Variants in THOC5 observed in about 807,000 individuals in gnomAD.
THOC5 encodes the protein Fms-interacting protein.
In THOC5, 43 loss-of-function variants were observed where a neutral mutation model predicts 92.9. The observed-to-expected ratio is 0.46, with a 90% CI of 0.36 to 0.60. The LOEUF is 0.60. Among genes scored for constraint, THOC5 ranks in the 20% least tolerant of loss-of-function variants. The probability of loss-of-function intolerance (pLI) is 0.00; values close to 1 mark genes in which losing one functional copy is unlikely to be tolerated. For missense variants in THOC5, 659 were observed against 849.4 expected, an observed-to-expected ratio of 0.78 and a Z score of 2.79; for synonymous variants, 296 against 320.1, an observed-to-expected ratio of 0.92 and a Z score of 0.80.
In THOC5 at chr22:29,507,365, CTTATT is replaced by C. The variant is rs2063148686; in HGVS notation, c.*1087_*1091del. On this transcript the variant is annotated 3_prime_UTR_variant, in exon 20 of 20. Coordinates refer to ENST00000490103, the MANE Select transcript of THOC5 (RefSeq NM_003678.5). Reference sequence around the variant, plus strand: ...TATATATTTTCTTCCTTATGGCTTTCTTATTTATTTATTTTTGAGACGGAGTCTCA... The same window carrying C: ...TATATATTTTCTTCCTTATGGCTTTCTATTTATTTTTGAGACGGAGTCTCA... 1.3e-5 allele frequency: 2 copies of C among 152,098 alleles called. No homozygotes were observed. The highest frequency in any genetic ancestry group is 2.4e-5 in the African/African-American group (1 of 41,414). The allele number at this position is 152,098 out of a possible 1,614,324, so 9.4% of individuals were successfully genotyped here.
intron 17 of THOC5, chr22:29,513,765 A>T (rs1195356092): frequency 6.6e-6 from 1 of 152,184 alleles, no homozygotes; most frequent in Non-Finnish European, 1.5e-5. Flanking sequence ...TGGCAGGCTG[A>T]GGCAGAAGGA....
intron 6 of THOC5, among the ~76,000 whole-genome samples, chr22:29,537,536 G>T (rs906232500): frequency 1.2e-4 from 19 of 152,044 alleles, no homozygotes; most frequent in African/African-American, 4.6e-4. Flanking sequence ...CTACTCAGGA[G>T]GCTGAGACAG....
At chr22:29,552,000 T>C (rs1047941564) in intron 1 of THOC5, among the ~76,000 whole-genome samples, 1 of 152,310 alleles carries the variant, frequency 6.6e-6, no homozygotes, top group East Asian at 1.9e-4. Flanking sequence ...TTGGCCAGGC[T>C]GGTCTCCAGC....
At chr22:29,543,292 G>A (rs907466078) in intron 4 of THOC5, 137 bp downstream of exon 4, 1 of 601,792 alleles carries the variant, frequency 1.7e-6, no homozygotes, top group South Asian at 2.1e-5. Context: ...AGGATGTGGT[G>A]AGCTGAGATC....
chr22:29,533,197 C>G (rs972883875), intron 7 of THOC5, among the ~76,000 whole-genome samples: 1 of 152,158 alleles, frequency 6.6e-6, no homozygotes, highest in African/African-American at 2.4e-5. Flanking sequence ...GATTCTGAAA[C>G]TTGTATGTAA....
In THOC5 at chr22:29,549,134, G is replaced by C. The variant is rs999138709; in HGVS notation, c.14C>G (p.Ser5Trp). 1 of 1,614,078 alleles carries C rather than the reference G, an allele frequency of 6.2e-7. No homozygotes were observed. Among genetic ancestry groups the C allele is most frequent in the Admixed American group, 1.7e-5 (1 of 60,000 alleles). Residue 5 changes from serine (S) to tryptophan (W), a missense_variant, in exon 2 of 20, where the codon TCG (serine) becomes TGG (tryptophan). Transcript: ENST00000490103. Reference protein sequence around the residue: MSSESSKKRKPKVIR... With the variant: MSSEWSKKRKPKVIR... ...CACTTTGGGCTTCCGTTTTTTGCTCGATTCTGATGACATGGTTGTTCCTCC... is the reference window on the plus strand; with the variant it reads ...CACTTTGGGCTTCCGTTTTTTGCTCCATTCTGATGACATGGTTGTTCCTCC...
intron 2 of THOC5, among the ~76,000 whole-genome samples, chr22:29,547,764 C>T (rs2064053725): frequency 6.6e-6 from 1 of 152,328 alleles, no homozygotes; most frequent in Non-Finnish European, 1.5e-5. Context: ...ACTGTTCCAA[C>T]CTCTGCCTGT....
chr22:29,508,508 C>G lies in THOC5; in HGVS notation c.2001G>C (p.Arg667Ser). ...GATGGTTGTATTTAAATGGCTTCAT[C>G]CTGCTAGGACCCCTAGAGAAATAGG... ...MCLRLFRGPS[R>S]MKPFKYNHPQ... Residue 667 changes from arginine to serine, a missense_variant, in exon 20 of 20, where the codon AGG becomes AGC. Arg to Ser is a moderately radical substitution (Grantham distance 110, BLOSUM62 -1). Transcript: ENST00000490103. 4 of 1,614,038 alleles carry G rather than the reference C, an allele frequency of 2.5e-6. No individual in the cohort carries two copies. The highest frequency in any genetic ancestry group is 3.4e-6 in the Non-Finnish European group (4 of 1,179,928).
intron 15 of THOC5, among the ~76,000 whole-genome samples, chr22:29,518,519 CGAG>C (rs1368513606): frequency 3.3e-5 from 5 of 152,150 alleles, no homozygotes; most frequent in African/African-American, 1.2e-4. Context: ...CTGGGGAACA[CGAG>C]GTCAGTAGGC....
In THOC5 at chr22:29,508,456, A is replaced by G. The variant is rs2146418367; in HGVS notation, c.*1T>C. 1.2e-6 allele frequency: 2 copies of G among 1,614,176 alleles called. No individual in the cohort carries two copies. The highest frequency in any genetic ancestry group is 1.7e-6 in the Non-Finnish European group (2 of 1,180,012). On this transcript the variant is annotated 3_prime_UTR_variant, in exon 20 of 20. Coordinates refer to ENST00000490103, the MANE Select transcript of THOC5 (RefSeq NM_003678.5). Reference sequence around the variant, plus strand: ...GGGGAAACAACGGTCTGCGCGGGAGATCAGCGATGGCTGAAGAATCCCTGA... The same window carrying G: ...GGGGAAACAACGGTCTGCGCGGGAGGTCAGCGATGGCTGAAGAATCCCTGA...
intron 8 of THOC5, chr22:29,531,246 G>A: frequency 7.9e-6 from 8 of 1,009,186 alleles, no homozygotes; most frequent in Non-Finnish European, 8.4e-6. Context: ...ATGTCTGTCT[G>A]ATGAGGTGGG....
chr22:29,509,286 A>G (rs969142440), intron 19 of THOC5, among the ~76,000 whole-genome samples: 4 of 149,908 alleles, frequency 2.7e-5, no homozygotes, highest in African/African-American at 7.6e-5. Flanking sequence ...AAAAAAAAAA[A>G]AAAAAAGAAA....
Position 29,511,121 on chromosome 22 carries a change from C to T in THOC5, c.1973G>A (p.Cys658Tyr). Residue 658 changes from cysteine (C) to tyrosine (Y), a missense_variant, in exon 19 of 20, where the codon TGT becomes TAT. Cys to Tyr is a radical substitution (Grantham distance 194). Coordinates refer to ENST00000490103, the MANE Select transcript of THOC5 (RefSeq NM_003678.5). ...GPKEFPQEKM[C>Y]LRLFRGPSRM... ...CTCTCCTCACCTGAAGAGCCGCAGA[C>T]ACATCTTCTCCTGGGGAAATTCCTT... The T allele has an allele frequency of 6.2e-7, 1 of 1,614,122 alleles. No individual in the cohort carries two copies. Among genetic ancestry groups the T allele is most frequent in the Non-Finnish European group, 8.5e-7 (1 of 1,179,984 alleles).
chr22:29,521,385 T>A (rs917369067), intron 12 of THOC5, among the ~76,000 whole-genome samples: 1 of 152,242 alleles, frequency 6.6e-6, no homozygotes, highest in Non-Finnish European at 1.5e-5. Context: ...TGGCTTTATA[T>A]TGTCTGATCA....
At chr22:29,537,290 T>G (rs2063778096) in intron 6 of THOC5, among the ~76,000 whole-genome samples, 1 of 152,234 alleles carries the variant, frequency 6.6e-6, no homozygotes, top group Non-Finnish European at 1.5e-5. Flanking sequence ...ATCAGTGGAC[T>G]GGACAGCGGA....
intron 14 of THOC5, 33 bp from the exon 15 acceptor site, chr22:29,519,153 C>T (rs1358693549): frequency 2.1e-6 from 3 of 1,460,560 alleles, no homozygotes; most frequent in Non-Finnish European, 2.8e-6. Context: ...TACACGTGTG[C>T]TCCCCCATCC....
At position 29,538,312 on chromosome 22, in the gene THOC5, A is replaced by C. The variant is rs150484416; in HGVS notation, c.599+1018T>G. On this transcript the variant is annotated intron_variant, in intron 6 of 19. Transcript: ENST00000490103. ...ATTATTTATGACAGCAAAAAATGGA[A>C]ACAACCTAAAATCCAACAGGGGAAT... is the stretch of plus-strand genomic sequence containing the variant. Among the ~76,000 whole-genome samples the C allele has an allele frequency of 6.1e-3, 927 of 152,278 alleles. 5 individuals carry two copies. Among genetic ancestry groups the C allele is most frequent in the Non-Finnish European group, 8.3e-3 (563 of 68,028 alleles).
chr22:29,510,763 T>G (rs1331765428), intron 19 of THOC5, among the ~76,000 whole-genome samples: 2 of 152,164 alleles, frequency 1.3e-5, no homozygotes, highest in Non-Finnish European at 2.9e-5. Flanking sequence ...AAGCTGTGAT[T>G]CTCACTGACA....
chr22:29,518,150 C>T (rs1043756542), intron 15 of THOC5, among the ~76,000 whole-genome samples: 6 of 152,222 alleles, frequency 3.9e-5, no homozygotes, highest in African/African-American at 1.4e-4. Context: ...TCTCCTGCTT[C>T]AGCCTCCTGA....
Sources: allele counts gnomAD v4.1 joint callset (sites outside exome capture counted in the v4.1 genomes callset), GRCh38; gene constraint gnomAD v4.1.1; transcripts MANE v1.5; gene names NCBI Gene and HGNC (gene_info 2026-07-23, HGNC 2026-07-21).